The following DNAH12 variants were observed in gnomAD, a reference collection of about 807,000 sequenced individuals.
DNAH12 encodes axonemal beta dynein heavy chain 12.
In DNAH12, 285 loss-of-function variants were observed where a neutral mutation model predicts 371.5. The observed-to-expected ratio is 0.77, with a 90% CI of 0.70 to 0.85. The LOEUF (loss-of-function observed/expected upper bound fraction) is 0.85. DNAH12 is among the 40% of genes least tolerant of loss of function. The pLI, the probability that DNAH12 is intolerant of heterozygous loss-of-function variation, is 0.00. For synonymous variants in DNAH12, 1,200 were observed against 1,213.0 expected (o/e 0.99, Z 0.22); for missense variants, 3,611 against 3,689.4 (o/e 0.98, Z 0.55).
intron 4 of DNAH12, among the ~76,000 whole-genome samples, chr3:57,520,266 C>A (rs1324682855): frequency 6.6e-6 from 1 of 151,872 alleles, no homozygotes; most frequent in Non-Finnish European, 1.5e-5. Context: ...TGTGTGCCAC[C>A]ACACTCAGCT....
chr3:57,516,983 G>T (rs1226647861), intron 4 of DNAH12, among the ~76,000 whole-genome samples: 2 of 152,014 alleles, frequency 1.3e-5, no homozygotes, highest in Non-Finnish European at 2.9e-5. Flanking sequence ...ATCAGCAGCT[G>T]GCCTTCTTTC....
intron 47 of DNAH12, 117 bp downstream of exon 47, chr3:57,386,324 T>C (rs2063498773): frequency 6.6e-6 from 1 of 152,204 alleles, no homozygotes; most frequent in African/African-American, 2.4e-5. Flanking sequence ...GGAATAGATG[T>C]GAAAGACATA....
At chr3:57,339,020 T>C (rs1164112375) in intron 60 of DNAH12, among the ~76,000 whole-genome samples, 3 of 152,222 alleles carry the variant, frequency 2.0e-5, no homozygotes, top group Non-Finnish European at 4.4e-5. Context: ...GACTCCATTT[T>C]GTTCTGTACT....
At chr3:57,516,746 C>T (rs1378738908) in intron 4 of DNAH12, among the ~76,000 whole-genome samples, 2 of 152,178 alleles carry the variant, frequency 1.3e-5, no homozygotes, top group Non-Finnish European at 2.9e-5. Flanking sequence ...GCCGTAGCCA[C>T]AATCCATCTT....
intron 1 of DNAH12, among the ~76,000 whole-genome samples, chr3:57,543,315 GTTTTTTTTTTTTTT>G (rs5849214): frequency 2.8e-5 from 2 of 70,286 alleles, no homozygotes; most frequent in African/African-American, 1.3e-4. Context: ...ATCATTAATG[GTTTTTTTTTTTTTT>G]TTTTTTTTTT....
chr3:57,468,673 T>C (rs990378440), intron 17 of DNAH12, 63 bp downstream of exon 17: 2 of 929,478 alleles, frequency 2.2e-6, no homozygotes, highest in African/African-American at 3.5e-5. Context: ...AATTTATATA[T>C]TAGGTAACAG....
intron 42 of DNAH12, 36 bp from the exon 43 acceptor site, chr3:57,403,537 A>G: frequency 2.0e-6 from 3 of 1,498,954 alleles, no homozygotes; most frequent in Non-Finnish European, 2.7e-6. Flanking sequence ...ATGCATTACA[A>G]TATAAATGTA....
chr3:57,351,973 C>A, intron 60 of DNAH12, 112 bp downstream of exon 60: 1 of 1,107,304 alleles, frequency 9.0e-7, no homozygotes, highest in South Asian at 2.0e-5. Context: ...CAAGTAAAAT[C>A]ATGACTTAAG....
At chr3:57,298,393 G>C (rs2061278029) in intron 70 of DNAH12, among the ~76,000 whole-genome samples, 1 of 152,238 alleles carries the variant, frequency 6.6e-6, no homozygotes, top group Non-Finnish European at 1.5e-5. Context: ...GCTACCATCA[G>C]ATGACAGCCT....
chr3:57,345,181 A>T (rs183644482), intron 60 of DNAH12, among the ~76,000 whole-genome samples: 42 of 152,334 alleles, frequency 2.8e-4, no homozygotes, highest in African/African-American at 9.1e-4. Flanking sequence ...ATCTGTTTAC[A>T]AGATGAAATG....
chr3:57,296,476 C>T, intron 71 of DNAH12, 41 bp from the exon 72 acceptor site: 1 of 1,429,492 alleles, frequency 7.0e-7, no homozygotes, highest in Non-Finnish European at 9.6e-7. Context: ...CCTCTCCAGA[C>T]AACTTCATCT....
At position 57,521,417 on chromosome 3, in the gene DNAH12, A is replaced by G. The variant is rs1261138005; in HGVS notation, c.279+2166T>C. Among the ~76,000 whole-genome samples the G allele has an allele frequency of 5.9e-5, 9 of 151,998 alleles. No homozygotes were observed. In the East Asian group the frequency reaches 1.7e-3, roughly 29 times the overall value. ...GTGGCATGCTCTTGTAGTCCCAGCT[A>G]CTCAGGAAGCTGAGGCAGGAGGATC... On this transcript the variant is annotated intron_variant, in intron 4 of 73. Transcript: ENST00000495027.
chr3:57,445,588 TA>T (rs2065460488), intron 27 of DNAH12, among the ~76,000 whole-genome samples, 169 bp from the exon 28 acceptor site: 1 of 152,234 alleles, frequency 6.6e-6, no homozygotes, highest in South Asian at 2.1e-4. Flanking sequence ...ATGCAGTTAG[TA>T]TTTTTTTGGA....
intron 26 of DNAH12, 51 bp from the exon 27 acceptor site, chr3:57,446,321 T>C (rs1328296392): frequency 2.0e-6 from 3 of 1,519,414 alleles, no homozygotes; most frequent in Middle Eastern, 1.7e-4. Flanking sequence ...AAGGATATCA[T>C]CTCTTAAAAC....
At chr3:57,395,967 T>A (rs1000092494) in intron 43 of DNAH12, among the ~76,000 whole-genome samples, 8 of 150,894 alleles carry the variant, frequency 5.3e-5, no homozygotes, top group African/African-American at 1.7e-4. Flanking sequence ...CTGTCTTATT[T>A]TAAATTAAAA....
chr3:57,322,916 T>C, intron 64 of DNAH12, 91 bp downstream of exon 64: 1 of 1,471,252 alleles, frequency 6.8e-7, no homozygotes, highest in South Asian at 1.4e-5. Flanking sequence ...GGAGACAGAG[T>C]AAGACTCCGT....
chr3:57,529,811 AAG>A (rs1187188492), intron 2 of DNAH12, among the ~76,000 whole-genome samples: 2 of 151,996 alleles, frequency 1.3e-5, no homozygotes, highest in African/African-American at 4.8e-5. Context: ...GTCATTTGTT[AAG>A]ATGCATCACT....
chr3:57,470,059 A>T (rs1388696545), intron 16 of DNAH12, among the ~76,000 whole-genome samples: 1 of 152,202 alleles, frequency 6.6e-6, no homozygotes, highest in Non-Finnish European at 1.5e-5. Flanking sequence ...GGTAAACATT[A>T]GTGAAATTAA....
Position 57,323,551 on chromosome 3 carries a change from A to C in DNAH12, c.10047T>G (p.Phe3349Leu). ...LGKKFVEPPPFDLTKSYLDSN... is the reference protein window; with the variant it reads ...LGKKFVEPPPLDLTKSYLDSN... ...AATCCAAGTAACTCTTTGTCAAATC[A>C]AATGGTGGAGGCTCTACAAACTTTT... Residue 3349 changes from phenylalanine to leucine, a missense_variant, in exon 63 of 74, where the codon TTT becomes TTG. Phe to Leu is a conservative substitution (Grantham distance 22). This residue lies in a region of DNAH12 where 2,266 missense variants were observed against 2,236.9 expected (regional missense o/e 1.01). Coordinates refer to ENST00000495027, the MANE Select transcript of DNAH12 (RefSeq NM_001366028.2). 1 of 1,551,116 alleles carries C rather than the reference A, an allele frequency of 6.4e-7. No homozygotes were observed. The highest frequency in any genetic ancestry group is 8.7e-7 in the Non-Finnish European group (1 of 1,146,816).
Sources: gnomAD v4.1 joint callset for allele counts (sites outside exome capture counted in the v4.1 genomes callset) on GRCh38, gnomAD v4.1.1 for gene constraint, gnomAD v4.1.1 regional missense constraint, MANE v1.5 for transcripts, NCBI Gene and HGNC (gene_info 2026-07-23, HGNC 2026-07-21) for gene names.